Variants in ARPP21 observed in about 807,000 individuals in gnomAD.
ARPP21 encodes cAMP-regulated phosphoprotein 21.
ARPP21 carries 69 observed loss-of-function variants against 113.2 expected under a neutral mutation model. The ratio of observed to expected loss-of-function variants is 0.61; its 90% confidence interval spans 0.50 to 0.74. ARPP21 has a LOEUF of 0.74. Among genes scored for constraint, ARPP21 ranks in the 30% least tolerant of loss-of-function variants. The probability of loss-of-function intolerance (pLI) is 0.00; values close to 1 mark genes in which losing one functional copy is unlikely to be tolerated. For synonymous variants in ARPP21, 368 were observed against 375.5 expected, an observed-to-expected ratio of 0.98 and a Z score of 0.23; for missense variants, 1,070 against 1,037.4, an observed-to-expected ratio of 1.03 and a Z score of -0.43.
intron 9 of ARPP21, among the ~76,000 whole-genome samples, chr3:35,698,798 C>T (rs1446786516): frequency 6.6e-6 from 1 of 151,548 alleles, no homozygotes; most frequent in Non-Finnish European, 1.5e-5. Flanking sequence ...ATTTTATTGC[C>T]TTTAAAATTC....
intron 19 of ARPP21, among the ~76,000 whole-genome samples, chr3:35,777,520 T>G (rs2096407367): frequency 6.6e-6 from 1 of 152,200 alleles, no homozygotes; most frequent in Non-Finnish European, 1.5e-5. Flanking sequence ...TAAATATCAC[T>G]TCATACTATT....
At chr3:35,777,092 C>T (rs1036360851) in intron 19 of ARPP21, among the ~76,000 whole-genome samples, 6 of 152,038 alleles carry the variant, frequency 3.9e-5, no homozygotes, top group Non-Finnish European at 5.9e-5. Flanking sequence ...GTGTGGAAGC[C>T]GTAGAAGGAG....
intron 5 of ARPP21, among the ~76,000 whole-genome samples, chr3:35,686,677 C>T (rs577367215): frequency 1.3e-5 from 2 of 151,648 alleles, no homozygotes; most frequent in South Asian, 4.1e-4. Context: ...ATTATTTTTT[C>T]CTACATCATA....
chr3:35,718,296 G>T (rs1428963974), intron 13 of ARPP21, among the ~76,000 whole-genome samples: 1 of 152,074 alleles, frequency 6.6e-6, no homozygotes, highest in East Asian at 1.9e-4. Flanking sequence ...CACTTTTCTA[G>T]ATTGAACTAT....
intron 1 of ARPP21, among the ~76,000 whole-genome samples, chr3:35,677,494 C>G (rs534108757): frequency 6.6e-6 from 1 of 151,988 alleles, no homozygotes; most frequent in African/African-American, 2.4e-5. Context: ...ATTTTACTTG[C>G]TTTCTTCATG....
At chr3:35,702,706 T>C (rs1460077750) in intron 9 of ARPP21, among the ~76,000 whole-genome samples, 1 of 151,798 alleles carries the variant, frequency 6.6e-6, no homozygotes, top group Non-Finnish European at 1.5e-5. Flanking sequence ...GAACATTGGC[T>C]ACTTAGCACT....
At chr3:35,685,543 A>G (rs1237862410) in intron 5 of ARPP21, 1 of 984,986 alleles carries the variant, frequency 1.0e-6, no homozygotes, top group African/African-American at 1.7e-5. Context: ...CCCAGAGAAC[A>G]CTGGCAGATG....
intron 5 of ARPP21, chr3:35,685,799 T>C: frequency 1.2e-6 from 1 of 852,320 alleles, no homozygotes; most frequent in Non-Finnish European, 1.4e-6. Context: ...TATAAACTTA[T>C]CCTGTACCAA....
chr3:35,704,163 T>G (rs1229225847), intron 9 of ARPP21, among the ~76,000 whole-genome samples: 1 of 151,996 alleles, frequency 6.6e-6, no homozygotes, highest in East Asian at 1.9e-4. Flanking sequence ...GATTAATAAT[T>G]TGAACTATTA....
chr3:35,721,636 G>T lies in ARPP21; in HGVS notation c.1027G>T (p.Gly343Trp). The T allele has an allele frequency of 6.2e-7, 1 of 1,613,282 alleles. No individual in the cohort carries two copies. The highest frequency in any genetic ancestry group is 8.5e-7 in the Non-Finnish European group (1 of 1,179,344). Residue 343 changes from glycine (G) to tryptophan (W), a missense_variant, in exon 14 of 21, where the codon GGG (glycine) becomes TGG (tryptophan). Gly to Trp is a radical substitution (Grantham distance 184). Transcript: ENST00000684406. ...CAGAGATGGCTCAGGGAGAACATCT[G>T]GGAGTCGACAGAGCAGCTCAGAAAA... ...GNRDGSGRTS[G>W]SRQSSSENEL...
intron 19 of ARPP21, among the ~76,000 whole-genome samples, chr3:35,767,907 A>T (rs990798676): frequency 6.6e-6 from 1 of 152,004 alleles, no homozygotes; most frequent in East Asian, 1.9e-4. Flanking sequence ...TCAAATCAGC[A>T]TGGGAACTCT....
chr3:35,784,785 C>T (rs1048150824), intron 19 of ARPP21: 19 of 151,958 alleles, frequency 1.3e-4, no homozygotes, highest in African/African-American at 4.1e-4. Context: ...ATGTATAATG[C>T]TTTATTATAT....
In ARPP21 at chr3:35,793,875, T is replaced by A; in HGVS notation, c.2461T>A (p.Ser821Thr). Residue 821 changes from serine (S) to threonine (T), a missense_variant, in exon 21 of 21, where the codon TCC becomes ACC. Physicochemically the swap from Ser to Thr is moderately conservative, Grantham distance 58. Transcript: ENST00000684406. ...NLRLIGPHCP[S>T]STVPVMSASC... is the part of the protein sequence containing the mutation. ...TAGGCTGATTGGCCCACACTGCCCC[T>A]CCAGCACTGTCCCAGTGATGTCAGC... 6.2e-7 allele frequency: 1 copy of A among 1,614,040 alleles called. No individual in the cohort carries two copies. The highest frequency in any genetic ancestry group is 8.5e-7 in the Non-Finnish European group (1 of 1,179,950).
At chr3:35,738,628 T>C (rs1408463212) in intron 17 of ARPP21, among the ~76,000 whole-genome samples, 1 of 152,178 alleles carries the variant, frequency 6.6e-6, no homozygotes, top group African/African-American at 2.4e-5. Context: ...GAACTTTGCA[T>C]GAGGGTTCGG....
At chr3:35,755,845 T>A (rs1325840899) in intron 19 of ARPP21, among the ~76,000 whole-genome samples, 1 of 152,078 alleles carries the variant, frequency 6.6e-6, no homozygotes, top group Non-Finnish European at 1.5e-5. Flanking sequence ...TGTTTAAATT[T>A]TTCATTTCCA....
At position 35,678,339 on chromosome 3, in the gene ARPP21, C is replaced by T. The variant is rs958001873; in HGVS notation, c.-212-1448C>T. Among the ~76,000 whole-genome samples the T allele has an allele frequency of 7.2e-5, 11 of 152,010 alleles. No individual in the cohort carries two copies. The South Asian group carries it at 8.3e-4, about 11-fold the overall frequency. On this transcript the variant is annotated intron_variant, in intron 1 of 20. Transcript: ENST00000684406. Reference sequence around the variant, plus strand: ...GTACAACAGAATCCAGAATGCTTTTCGTAACCATCACTGACATTTATGCTA... The same window carrying T: ...GTACAACAGAATCCAGAATGCTTTTTGTAACCATCACTGACATTTATGCTA...
At chr3:35,747,376 A>AG (rs1307262170) in intron 19 of ARPP21, among the ~76,000 whole-genome samples, 3 of 151,762 alleles carry the variant, frequency 2.0e-5, no homozygotes, top group Admixed American at 6.6e-5. Context: ...AAAAAAAAAA[A>AG]AAGAACACTA....
chr3:35,699,396 T>C (rs2149809063), intron 9 of ARPP21, among the ~76,000 whole-genome samples: 1 of 151,778 alleles, frequency 6.6e-6, no homozygotes, highest in African/African-American at 2.4e-5. Context: ...TGGGAAGTTT[T>C]AGAGAATACT....
intron 11 of ARPP21, among the ~76,000 whole-genome samples, chr3:35,712,466 A>G (rs76473069): frequency 0.016 from 2,454 of 152,024 alleles, 74 homozygotes; most frequent in African/African-American, 0.054. Context: ...TTTTAAAATC[A>G]GAAACATTCT....
Sources: gnomAD v4.1 joint callset for allele counts (sites outside exome capture counted in the v4.1 genomes callset) on GRCh38, gnomAD v4.1.1 for gene constraint, MANE v1.5 for transcripts, NCBI Gene and HGNC (gene_info 2026-07-23, HGNC 2026-07-21) for gene names.